The following BTBD16 variants were observed in gnomAD, a reference collection of about 807,000 sequenced individuals.
BTBD16 encodes the protein BTB domain containing 16, also known as BTB/POZ domain-containing protein 16.
A neutral mutation model predicts 67.4 loss-of-function variants in BTBD16; 66 were observed. The ratio of observed to expected loss-of-function variants is 0.98; its 90% CI spans 0.80 to 1.20. The LOEUF (loss-of-function observed/expected upper bound fraction) is 1.20. BTBD16 is among the 50% of genes most tolerant of loss of function. BTBD16 has a pLI of 0.00. For missense variants in BTBD16, 634 were observed against 616.0 expected (o/e 1.03, Z -0.31); for synonymous variants, 242 against 236.4 (o/e 1.02, Z -0.22).
chr10:122,272,154 G>T (rs957389906), intron 1 of BTBD16, among the ~76,000 whole-genome samples: 1 of 152,178 alleles, frequency 6.6e-6, no homozygotes, highest in Admixed American at 6.5e-5. Context: ...GAAGCCTCAC[G>T]CAAGGTGGAA....
intron 13 of BTBD16, among the ~76,000 whole-genome samples, chr10:122,334,248 T>G: frequency 6.7e-6 from 1 of 150,008 alleles, no homozygotes; most frequent in East Asian, 1.9e-4. Flanking sequence ...CAGGCTGGAG[T>G]GCAGTGGCGC....
intron 10 of BTBD16, among the ~76,000 whole-genome samples, chr10:122,321,647 G>C (rs543574142): frequency 6.6e-6 from 1 of 152,284 alleles, no homozygotes; most frequent in African/African-American, 2.4e-5. Flanking sequence ...TTGGCCACTT[G>C]TATATCTTCT....
At chr10:122,323,753 T>C (rs555736943) in intron 10 of BTBD16, among the ~76,000 whole-genome samples, 1 of 152,322 alleles carries the variant, frequency 6.6e-6, no homozygotes, top group South Asian at 2.1e-4. Flanking sequence ...AGAGATCATC[T>C]GGTCTCACCC....
At chr10:122,327,298 C>G (rs1322590624) in intron 10 of BTBD16, among the ~76,000 whole-genome samples, 1 of 152,204 alleles carries the variant, frequency 6.6e-6, no homozygotes, top group Admixed American at 6.5e-5. Flanking sequence ...TGAATACCAC[C>G]AGGAACAATT....
At chr10:122,308,648 G>A (rs1300872571) in intron 10 of BTBD16, among the ~76,000 whole-genome samples, 2 of 152,074 alleles carry the variant, frequency 1.3e-5, no homozygotes, top group African/African-American at 2.4e-5. Context: ...TCTCCAGCGA[G>A]CTTTGGGTCA....
At chr10:122,289,325 C>T (rs1230588787) in intron 5 of BTBD16, among the ~76,000 whole-genome samples, 1 of 152,094 alleles carries the variant, frequency 6.6e-6, no homozygotes, top group Non-Finnish European at 1.5e-5. Flanking sequence ...CGGTTTTGAC[C>T]ATGCACAGGG....
chr10:122,319,834 G>A (rs1450946756), intron 10 of BTBD16, among the ~76,000 whole-genome samples: 1 of 152,070 alleles, frequency 6.6e-6, no homozygotes, highest in Non-Finnish European at 1.5e-5. Context: ...ACAAGATTGA[G>A]TCTTCTGATC....
intron 13 of BTBD16, among the ~76,000 whole-genome samples, chr10:122,334,429 TC>T (rs1162609308): frequency 6.8e-6 from 1 of 147,484 alleles, no homozygotes; most frequent in East Asian, 2.0e-4. Flanking sequence ...TCTTCTGACC[TC>T]GTGATCGGCC....
chr10:122,322,219 C>T (rs190592232), intron 10 of BTBD16, among the ~76,000 whole-genome samples: 1 of 152,228 alleles, frequency 6.6e-6, no homozygotes, highest in Non-Finnish European at 1.5e-5. Flanking sequence ...TTTCCTTCTA[C>T]TTTCTTCAAG....
At chr10:122,325,467 A>C (rs1056644109) in intron 10 of BTBD16, among the ~76,000 whole-genome samples, 5 of 152,080 alleles carry the variant, frequency 3.3e-5, no homozygotes, top group Admixed American at 3.3e-4. Flanking sequence ...CCGTGCATGG[A>C]GGTAACAACA....
intron 5 of BTBD16, chr10:122,287,550 G>T: frequency 1.1e-6 from 1 of 882,720 alleles, no homozygotes; most frequent in Non-Finnish European, 1.4e-6. Flanking sequence ...GGGTCTCCTC[G>T]CAAGTTCCAT....
chr10:122,304,902 G>A (rs1021216096), intron 9 of BTBD16, among the ~76,000 whole-genome samples: 3 of 152,164 alleles, frequency 2.0e-5, no homozygotes, highest in African/African-American at 7.2e-5. Context: ...GCCTCATGCT[G>A]CAGCAGGTAC....
intron 5 of BTBD16, among the ~76,000 whole-genome samples, chr10:122,287,011 G>A (rs568111326): frequency 6.6e-6 from 1 of 152,318 alleles, no homozygotes; most frequent in East Asian, 1.9e-4. Context: ...TGACAGCAAA[G>A]CCCTGTTATT....
chr10:122,306,415 C>T (rs1431843208), intron 9 of BTBD16, among the ~76,000 whole-genome samples: 1 of 152,234 alleles, frequency 6.6e-6, no homozygotes, highest in Non-Finnish European at 1.5e-5. Flanking sequence ...CCACTCACCT[C>T]ATCCACTCTG....
At chr10:122,320,056 A>G (rs1219369738) in intron 10 of BTBD16, among the ~76,000 whole-genome samples, 1 of 152,146 alleles carries the variant, frequency 6.6e-6, no homozygotes, top group African/African-American at 2.4e-5. Context: ...ACTTTGTATT[A>G]TACAACCTTA....
chr10:122,334,940 A>G lies in BTBD16; in HGVS notation c.1224A>G (p.Gly408=), dbSNP rs778088912. The G allele has an allele frequency of 1.9e-6, 3 of 1,570,010 alleles. No individual in the cohort carries two copies. In the South Asian group the frequency reaches 3.4e-5, roughly 18 times the overall value. Residue 408 remains glycine (G), a synonymous_variant, in exon 14 of 16, where the codon GGA becomes GGG. Transcript: ENST00000260723. ...ATGGATTCTTCTTTAAGATAAAGGG[A>G]CTCAAACATGATACTACCTCTTATA... is the stretch of plus-strand genomic sequence containing the variant. ...ALYGFFFKIK[G]LKHDTTSYSF... is the part of the protein sequence containing the mutation.
chr10:122,328,798 G>C lies in BTBD16; in HGVS notation c.912-682G>C, dbSNP rs1300044215. ...GCAGGGAATGCGTGTCTGTGTGTGC[G>C]TGTCTTCTCAAAAAGAACTGGATCT... On this transcript the variant is annotated intron_variant, in intron 10 of 15. Coordinates refer to ENST00000260723, the MANE Select transcript of BTBD16 (RefSeq NM_144587.5). The C allele has an allele frequency of 7.1e-6, 7 of 985,266 alleles. No homozygotes were observed. The South Asian group carries it at 2.3e-4, about 33-fold the overall frequency. The allele number at this position is 985,266 out of a possible 1,614,324, so 61.0% of individuals were successfully genotyped here.
At chr10:122,290,549 G>C (rs1449379484) in intron 6 of BTBD16, among the ~76,000 whole-genome samples, 1 of 152,144 alleles carries the variant, frequency 6.6e-6, no homozygotes, top group South Asian at 2.1e-4. Flanking sequence ...TGGGCCATTT[G>C]TCGCCAGAGG....
Position 122,273,245 on chromosome 10 carries a change from T to TATAC in BTBD16, c.-43+1732_-43+1733insTACA, listed in dbSNP as rs1249462780. On this transcript the variant is annotated intron_variant, in intron 1 of 15. Transcript: ENST00000260723. The stretch of plus-strand genomic sequence containing the variant: ...AGATATATATATATATATATATATA[T>TATAC]ACACACATACATACATATATATACA... 7.1e-3 allele frequency among the ~76,000 whole-genome samples: 984 copies of TATAC among 139,450 alleles called. 15 individuals are homozygous for TATAC. Among genetic ancestry groups the TATAC allele is most frequent in the African/African-American group, 0.025 (937 of 37,546 alleles). 91.5% of individuals were successfully genotyped at this position (139,450 alleles called of 152,430 possible). A position where few individuals can be genotyped will look rare whatever the true frequency, so the allele number is the denominator to read the frequency against.
Sources: gnomAD v4.1 joint callset for allele counts (sites outside exome capture counted in the v4.1 genomes callset) on GRCh38, gnomAD v4.1.1 for gene constraint, MANE v1.5 for transcripts, NCBI Gene and HGNC (gene_info 2026-07-23, HGNC 2026-07-21) for gene names.